CCBE1: variants seen among roughly 807,000 people sequenced by gnomAD.
CCBE1 encodes the protein collagen and calcium binding EGF domains 1, also known as collagen and calcium-binding EGF domain-containing protein 1.
A neutral mutation model predicts 50.0 loss-of-function variants in CCBE1; 37 were observed. The observed-to-expected ratio is 0.74, with a 90% CI of 0.57 to 0.97. The LOEUF (loss-of-function observed/expected upper bound fraction) is 0.97. CCBE1 is among the 50% of genes least tolerant of loss of function. The pLI is 0.00. For synonymous variants in CCBE1, 234 were observed against 203.7 expected (o/e 1.15, Z -1.27); for missense variants, 538 against 523.8 (o/e 1.03, Z -0.26).
At chr18:59,451,584 C>G (rs980785471) in intron 6 of CCBE1, among the ~76,000 whole-genome samples, 10 of 152,140 alleles carry the variant, frequency 6.6e-5, no homozygotes, top group Non-Finnish European at 1.5e-5. Context: ...TTTCTTCCCA[C>G]ACCACAGAAG....
chr18:59,584,292 T>C (rs1005595378), intron 2 of CCBE1, among the ~76,000 whole-genome samples: 10 of 143,550 alleles, frequency 7.0e-5, no homozygotes, highest in Admixed American at 2.2e-4. Context: ...TAGATGGGAA[T>C]TGGACAATGA....
At chr18:59,473,017 C>T (rs1055059935) in intron 3 of CCBE1, among the ~76,000 whole-genome samples, 1 of 152,160 alleles carries the variant, frequency 6.6e-6, no homozygotes, top group Non-Finnish European at 1.5e-5. Context: ...CCACCTGGCC[C>T]TGCCCTTGAC....
intron 2 of CCBE1, among the ~76,000 whole-genome samples, chr18:59,674,288 G>T (rs1332063451): frequency 6.6e-6 from 1 of 152,146 alleles, no homozygotes; most frequent in African/African-American, 2.4e-5. Flanking sequence ...ATGGAATACT[G>T]TACACCTATA....
chr18:59,444,623 C>T (rs1227676675), intron 7 of CCBE1, among the ~76,000 whole-genome samples: 1 of 151,904 alleles, frequency 6.6e-6, no homozygotes, highest in African/African-American at 2.4e-5. Context: ...CTTAAGCGAT[C>T]TTCTACCCCT....
At chr18:59,526,284 T>A (rs1914815679) in intron 2 of CCBE1, among the ~76,000 whole-genome samples, 2 of 151,746 alleles carry the variant, frequency 1.3e-5, no homozygotes, top group African/African-American at 4.8e-5. Context: ...TTCTTTTAGT[T>A]GTGATGTTAG....
At chr18:59,545,442 A>T (rs1206986199) in intron 2 of CCBE1, among the ~76,000 whole-genome samples, 7 of 152,204 alleles carry the variant, frequency 4.6e-5, no homozygotes, top group Admixed American at 4.6e-4. Flanking sequence ...CATAATGCAT[A>T]TTATTCCACT....
chr18:59,578,475 C>T (rs2053033530), intron 2 of CCBE1, among the ~76,000 whole-genome samples: 1 of 152,144 alleles, frequency 6.6e-6, no homozygotes, highest in South Asian at 2.1e-4. Context: ...ATAAATCATT[C>T]TACTATAAAG....
At chr18:59,581,347 A>T (rs973239483) in intron 2 of CCBE1, among the ~76,000 whole-genome samples, 1 of 151,668 alleles carries the variant, frequency 6.6e-6, no homozygotes, top group Non-Finnish European at 1.5e-5. Context: ...AGGCTGAGGC[A>T]GGAGAATGGC....
chr18:59,466,675 C>A, intron 5 of CCBE1, 64 bp downstream of exon 5: 2 of 1,108,730 alleles, frequency 1.8e-6, no homozygotes, highest in Middle Eastern at 3.2e-4. Context: ...AACCCCCAAA[C>A]TGGTTATATA....
intron 2 of CCBE1, among the ~76,000 whole-genome samples, chr18:59,551,013 AAAAAAAAAAAAAAAAAG>A (rs1394587883): frequency 4.9e-4 from 27 of 54,566 alleles, no homozygotes; most frequent in South Asian, 1.4e-3. Flanking sequence ...AAAAAAAAAA[AAAAAAAAAAAAAAAAAG>A]AAAAGAAAAG....
At chr18:59,628,552 T>G (rs1423515904) in intron 2 of CCBE1, among the ~76,000 whole-genome samples, 1 of 152,180 alleles carries the variant, frequency 6.6e-6, no homozygotes, top group African/African-American at 2.4e-5. Flanking sequence ...GGACATTCCC[T>G]GTAACCACCG....
chr18:59,503,372 T>C (rs1404196861), intron 2 of CCBE1, among the ~76,000 whole-genome samples: 1 of 152,172 alleles, frequency 6.6e-6, no homozygotes, highest in Non-Finnish European at 1.5e-5. Context: ...TTATGCTACT[T>C]TACAGACCAG....
chr18:59,625,128 T>C (rs1274626151), intron 2 of CCBE1, among the ~76,000 whole-genome samples: 7 of 151,982 alleles, frequency 4.6e-5, no homozygotes, highest in Admixed American at 3.9e-4. Context: ...GTCAACACAG[T>C]GGTATAAAAA....
At chr18:59,615,515 C>T (rs142923129) in intron 2 of CCBE1, among the ~76,000 whole-genome samples, 2 of 145,576 alleles carry the variant, frequency 1.4e-5, no homozygotes, top group Admixed American at 6.9e-5. Context: ...AAAAAAAAGA[C>T]AGAAGAGATC....
rs12604754 is a variant in CCBE1 at position 59,620,315 on chromosome 18, G to A, written c.212+76314C>T. ...CTGCTGTTTCTAGGACTTTCTAGGA[G>A]CATTTACCTGGTTGGAGGAGAAGAA... On this transcript the variant is annotated intron_variant, in intron 2 of 10. Transcript: ENST00000439986. Among the ~76,000 whole-genome samples the A allele has an allele frequency of 2.6e-3, 400 of 152,316 alleles. 10 individuals are homozygous for A. The East Asian group carries it at 0.037, about 14-fold the overall frequency.
intron 2 of CCBE1, among the ~76,000 whole-genome samples, chr18:59,601,829 A>G (rs1056155448): frequency 6.6e-6 from 1 of 152,136 alleles, no homozygotes; most frequent in Non-Finnish European, 1.5e-5. Context: ...CTCTATTTAA[A>G]TCTTTGAAAT....
chr18:59,566,389 C>T (rs1256562343), intron 2 of CCBE1, among the ~76,000 whole-genome samples: 1 of 152,108 alleles, frequency 6.6e-6, no homozygotes, highest in Non-Finnish European at 1.5e-5. Flanking sequence ...GCATAATCTA[C>T]CACTCACCCT....
intron 2 of CCBE1, among the ~76,000 whole-genome samples, chr18:59,501,712 G>T (rs1236133468): frequency 6.6e-6 from 1 of 152,190 alleles, no homozygotes; most frequent in African/African-American, 2.4e-5. Flanking sequence ...AATCCTGGCT[G>T]CAGGCTAGAG....
intron 4 of CCBE1, among the ~76,000 whole-genome samples, chr18:59,467,855 G>T (rs112766595): frequency 2.3e-5 from 2 of 87,544 alleles, no homozygotes; most frequent in East Asian, 3.4e-4. Context: ...CTGAGGGGAG[G>T]GTGGTCATCT....
Sources: allele counts gnomAD v4.1 joint callset (sites outside exome capture counted in the v4.1 genomes callset), GRCh38; gene constraint gnomAD v4.1.1; transcripts MANE v1.5; gene names NCBI Gene and HGNC (gene_info 2026-07-23, HGNC 2026-07-21).